Variants in POLN observed in about 807,000 individuals in gnomAD.
POLN encodes DNA polymerase N.
In POLN, 108 loss-of-function variants were observed where a neutral mutation model predicts 113.5. The ratio of observed to expected loss-of-function variants is 0.95; its 90% CI spans 0.81 to 1.12. POLN has a LOEUF of 1.12. Ranked by LOEUF, POLN falls within the 50% of genes most tolerant of loss-of-function variation. The pLI is 0.00. For missense variants in POLN, 1,097 were observed against 1,077.1 expected, an observed-to-expected ratio of 1.02 and a Z score of -0.26; for synonymous variants, 386 against 391.5, an observed-to-expected ratio of 0.99 and a Z score of 0.17.
At chr4:2,228,370 A>C in intron 3 of POLN, 1 of 160,428 alleles carries the variant, frequency 6.2e-6, no homozygotes, top group Non-Finnish European at 1.2e-5. Flanking sequence ...TTTTTTTTTG[A>C]GATAGAGTCT....
chr4:2,100,091 A>AAT (rs1194403488), intron 19 of POLN, among the ~76,000 whole-genome samples: 1 of 150,618 alleles, frequency 6.6e-6, no homozygotes, highest in Non-Finnish European at 1.5e-5. Flanking sequence ...AAAAAGAAAA[A>AAT]GAAAAAAGAG....
rs538375744 is a variant in POLN, at chr4:2,127,683, G to A, written c.1982+430C>T. On this transcript the variant is annotated intron_variant, in intron 19 of 25. Coordinates refer to ENST00000511885, the MANE Select transcript of POLN (RefSeq NM_181808.4). This position sits in a 1 kb window ranked among gnomAD's most constrained non-coding sequence, Gnocchi z 4.7. ...TCTGCCTCTGGAATTCTCTGTGAGT[G>A]TAAGCCACTCAGGCAGGATCTTTCA... is the stretch of plus-strand genomic sequence containing the variant. Among the ~76,000 whole-genome samples, 1 of 152,244 alleles carries A rather than the reference G, an allele frequency of 6.6e-6. No individual in the cohort carries two copies. The highest frequency in any genetic ancestry group is 2.4e-5 in the African/African-American group (1 of 41,468).
At chr4:2,204,261 T>C (rs1560092777) in intron 5 of POLN, among the ~76,000 whole-genome samples, 2 of 150,950 alleles carry the variant, frequency 1.3e-5, no homozygotes, top group Middle Eastern at 3.5e-3. Context: ...ATGGGAGATA[T>C]AACAACTGAC....
At chr4:2,171,887 T>C (rs998105798) in intron 11 of POLN, among the ~76,000 whole-genome samples, 9 of 151,894 alleles carry the variant, frequency 5.9e-5, no homozygotes, top group Admixed American at 6.6e-5. Context: ...GTAAAAATAA[T>C]GGGAAAGAAA....
intron 12 of POLN, 84 bp downstream of exon 12, chr4:2,171,014 T>C (rs529766406): frequency 1.6e-6 from 2 of 1,250,962 alleles, no homozygotes; most frequent in East Asian, 4.7e-5. Context: ...TGACATAAAA[T>C]AATACTTATA....
chr4:2,163,599 G>C (rs366546), intron 13 of POLN, among the ~76,000 whole-genome samples: 109,437 of 152,222 alleles, frequency 0.72, 43,480 homozygotes, highest in Non-Finnish European at 0.89. Context: ...TTAAAGATCA[G>C]TTTCTCGGAG....
chr4:2,156,428 T>C (rs1386199571), intron 16 of POLN: 3 of 470,206 alleles, frequency 6.4e-6, no homozygotes, highest in African/African-American at 2.0e-5. Flanking sequence ...CACCAAAAAA[T>C]GGAGCTGTTC....
At chr4:2,231,923 A>C in intron 2 of POLN, 1 of 1,197,228 alleles carries the variant, frequency 8.4e-7, no homozygotes, top group Non-Finnish European at 1.2e-6. Context: ...GTTTTCAGTA[A>C]TTTTCAATCT....
intron 3 of POLN, among the ~76,000 whole-genome samples, chr4:2,218,653 G>A (rs1206775582): frequency 6.6e-6 from 1 of 152,106 alleles, no homozygotes; most frequent in East Asian, 1.9e-4. Context: ...AGTGGGTGGC[G>A]GGATAACATA....
At position 2,095,847 on chromosome 4, in the gene POLN, C is replaced by A; in HGVS notation, c.2065+4G>T. 1.9e-6 allele frequency: 3 copies of A among 1,613,896 alleles called. No individual in the cohort carries two copies. Among genetic ancestry groups the A allele is most frequent in the Non-Finnish European group, 2.5e-6 (3 of 1,179,974 alleles). On this transcript the variant is annotated splice_donor_region_variant and intron_variant, in intron 20 of 25. Transcript: ENST00000511885. ...GAGACCCCAGCTCCCGGCCCGCAGC[C>A]TACCTGCTCCATAGACCACCGCGTA...
In POLN at chr4:2,093,518, G is replaced by A. The variant is rs1730713188; in HGVS notation, c.2065+2333C>T. On this transcript the variant is annotated intron_variant, in intron 20 of 25. Coordinates refer to ENST00000511885, the MANE Select transcript of POLN (RefSeq NM_181808.4). This position sits in a 1 kb window ranked among gnomAD's most constrained non-coding sequence, Gnocchi z 4.1. The stretch of plus-strand genomic sequence containing the variant: ...CACAGTCAGGAGCTGATAGGGTTGG[G>A]GATCAAGCCCAGGCTGCCGGGCCCA... Among the ~76,000 whole-genome samples, 1 of 152,228 alleles carries A rather than the reference G, an allele frequency of 6.6e-6. No homozygotes were observed. The highest frequency in any genetic ancestry group is 1.5e-5 in the Non-Finnish European group (1 of 68,038).
intron 16 of POLN, among the ~76,000 whole-genome samples, chr4:2,139,080 GACC>G (rs1165502848): frequency 1.3e-5 from 2 of 152,210 alleles, no homozygotes; most frequent in Non-Finnish European, 2.9e-5. Flanking sequence ...GAGCACCCTT[GACC>G]ACAACAAATG....
At chr4:2,149,181 C>T (rs1732228253) in intron 16 of POLN, among the ~76,000 whole-genome samples, 1 of 152,086 alleles carries the variant, frequency 6.6e-6, no homozygotes, top group Non-Finnish European at 1.5e-5. Context: ...GTAGTCCCAG[C>T]TACTTGGGAG....
chr4:2,141,819 G>A (rs376551906), intron 16 of POLN, among the ~76,000 whole-genome samples: 43 of 152,296 alleles, frequency 2.8e-4, no homozygotes, highest in East Asian at 7.7e-4. Context: ...TGGAGAGCTC[G>A]GCCCCCTCGG....
chr4:2,147,476 C>T (rs1190449989), intron 16 of POLN, among the ~76,000 whole-genome samples: 4 of 152,048 alleles, frequency 2.6e-5, no homozygotes, highest in Non-Finnish European at 4.4e-5. Context: ...AAAAACAAGA[C>T]TCCATGACCA....
intron 16 of POLN, among the ~76,000 whole-genome samples, chr4:2,144,420 G>A (rs1224722386): frequency 1.3e-5 from 2 of 152,014 alleles, no homozygotes; most frequent in Admixed American, 6.6e-5. Context: ...CGGGATTACA[G>A]GTGTGAGCCA....
chr4:2,081,165 G>A, intron 22 of POLN, 129 bp from the exon 23 acceptor site: 2 of 1,596,126 alleles, frequency 1.3e-6, no homozygotes, highest in East Asian at 2.2e-5. Flanking sequence ...CTGTCTGAGT[G>A]CCAGGGCCAC....
Position 2,190,960 on chromosome 4 carries a change from C to T in POLN, c.1021+2244G>A, listed in dbSNP as rs564024560. On this transcript the variant is annotated intron_variant, in intron 7 of 25. Coordinates refer to ENST00000511885, the MANE Select transcript of POLN (RefSeq NM_181808.4). ...AGTACAGCCACTATGGAAAACAGTA[C>T]GTAGGTTCCTCAAAAAACGAAATAG... Among the ~76,000 whole-genome samples the T allele has an allele frequency of 1.6e-4, 24 of 152,220 alleles. No individual in the cohort carries two copies. In the South Asian group the frequency reaches 3.3e-3, roughly 21 times the overall value.
At chr4:2,236,400 C>G in intron 2 of POLN, 2 of 1,613,756 alleles carry the variant, frequency 1.2e-6, no homozygotes, top group Non-Finnish European at 1.7e-6. Context: ...CTCAAGGTTT[C>G]CATGAGTTAG....
Sources: allele counts gnomAD v4.1 joint callset (sites outside exome capture counted in the v4.1 genomes callset), GRCh38; gene constraint gnomAD v4.1.1; non-coding constraint Gnocchi (gnomAD v3.1); transcripts MANE v1.5; gene names NCBI Gene and HGNC (gene_info 2026-07-23, HGNC 2026-07-21).